Variants in COP1 observed in about 807,000 individuals in gnomAD.
COP1 encodes COP1 E3 ubiquitin ligase, also known as E3 ubiquitin-protein ligase COP1.
Under a neutral mutation model 101.3 loss-of-function variants are expected in COP1, and 24 were observed. The ratio of observed to expected loss-of-function variants is 0.24; its 90% confidence interval spans 0.17 to 0.33. The LOEUF is 0.33. Ranked by LOEUF, COP1 falls within the 10% of genes least tolerant of loss-of-function variation. The pLI is 1.00. For synonymous variants in COP1, 347 were observed against 341.9 expected (o/e 1.01, Z -0.17); for missense variants, 663 against 906.2 (o/e 0.73, Z 3.45).
intron 14 of COP1, among the ~76,000 whole-genome samples, chr1:176,033,543 A>T (rs1668989843): frequency 6.6e-6 from 1 of 152,320 alleles, no homozygotes. Flanking sequence ...ACCTTTAAAG[A>T]ATGTGTTTAA....
intron 3 of COP1, among the ~76,000 whole-genome samples, chr1:176,175,491 G>C (rs898569424): frequency 6.6e-6 from 1 of 152,164 alleles, no homozygotes; most frequent in Non-Finnish European, 1.5e-5. Flanking sequence ...GTGCAACTTA[G>C]ATCCCTTGCA....
At chr1:176,053,471 C>T (rs111473562) in intron 11 of COP1, among the ~76,000 whole-genome samples, 8 of 152,246 alleles carry the variant, frequency 5.3e-5, no homozygotes, top group African/African-American at 1.9e-4. Flanking sequence ...TATTCCTTGC[C>T]TAATTGTTAA....
chr1:176,054,203 A>G (rs552683883), intron 11 of COP1, among the ~76,000 whole-genome samples: 1 of 146,682 alleles, frequency 6.8e-6, no homozygotes, highest in Admixed American at 6.9e-5. Flanking sequence ...TCTGTCACCC[A>G]GGCTGGGGTG....
intron 5 of COP1, among the ~76,000 whole-genome samples, chr1:176,149,926 G>T (rs1442433894): frequency 6.6e-6 from 1 of 151,926 alleles, no homozygotes; most frequent in Non-Finnish European, 1.5e-5. Context: ...AAGCCCAGTG[G>T]AGCAATTCCA....
intron 8 of COP1, among the ~76,000 whole-genome samples, chr1:176,133,198 G>A (rs1405553736): frequency 1.5e-5 from 2 of 129,684 alleles, no homozygotes; most frequent in African/African-American, 2.5e-5. Flanking sequence ...GTACGTATAT[G>A]TACGTATGTA....
chr1:176,135,329 TTCA>T (rs908478794), intron 7 of COP1, among the ~76,000 whole-genome samples: 3 of 152,036 alleles, frequency 2.0e-5, no homozygotes, highest in Non-Finnish European at 4.4e-5. Flanking sequence ...CTAAATATTG[TTCA>T]TCATTAATGA....
chr1:176,176,114 C>A, intron 2 of COP1, 107 bp from the exon 3 acceptor site: 1 of 601,866 alleles, frequency 1.7e-6, no homozygotes, highest in Admixed American at 3.0e-5. Context: ...TTCAACATAA[C>A]TAATCTAATA....
intron 15 of COP1, among the ~76,000 whole-genome samples, chr1:176,006,685 C>A (rs1663321318): frequency 6.6e-6 from 1 of 152,192 alleles, no homozygotes; most frequent in Non-Finnish European, 1.5e-5. Context: ...CACCCACTCT[C>A]TTCTGGCTTG....
chr1:175,977,468 A>T (rs1016780812), intron 18 of COP1, among the ~76,000 whole-genome samples: 1 of 152,186 alleles, frequency 6.6e-6, no homozygotes, highest in Non-Finnish European at 1.5e-5. Flanking sequence ...GTTCAGCAGT[A>T]ATAACCTTTT....
At chr1:175,965,675 G>A (rs529674548) in intron 18 of COP1, among the ~76,000 whole-genome samples, 13 of 151,746 alleles carry the variant, frequency 8.6e-5, no homozygotes, top group African/African-American at 1.2e-4. Context: ...TGCAACCTCC[G>A]CTTCCCGGGT....
chr1:176,109,890 T>C (rs536087160), intron 9 of COP1, among the ~76,000 whole-genome samples: 108 of 152,210 alleles, frequency 7.1e-4, no homozygotes, highest in African/African-American at 2.4e-3. Context: ...CTTGGATAAA[T>C]AATAAGTTCA....
chr1:176,114,721 G>A (rs1685893161), intron 9 of COP1, among the ~76,000 whole-genome samples: 1 of 152,010 alleles, frequency 6.6e-6, no homozygotes, highest in Non-Finnish European at 1.5e-5. Flanking sequence ...CCAAGTAGCT[G>A]AAACCACAAG....
chr1:176,156,254 C>T (rs1359894108), intron 5 of COP1, among the ~76,000 whole-genome samples: 2 of 151,786 alleles, frequency 1.3e-5, no homozygotes, highest in Non-Finnish European at 2.9e-5. Context: ...GGAGAAAAGG[C>T]CTTTTGTGGT....
intron 9 of COP1, among the ~76,000 whole-genome samples, chr1:176,093,203 AAGC>A (rs1681659465): frequency 6.6e-6 from 1 of 152,202 alleles, no homozygotes; most frequent in African/African-American, 2.4e-5. Flanking sequence ...TTTGGATAGG[AAGC>A]AGGTGATAAA....
intron 11 of COP1, among the ~76,000 whole-genome samples, chr1:176,048,198 T>TTA (rs1671850029): frequency 6.8e-6 from 1 of 146,296 alleles, no homozygotes; most frequent in Non-Finnish European, 1.5e-5. Flanking sequence ...TAAAATTCTT[T>TTA]TTTTTTTTTT....
intron 11 of COP1, among the ~76,000 whole-genome samples, chr1:176,074,276 G>A (rs1169653740): frequency 6.6e-6 from 1 of 151,950 alleles, no homozygotes; most frequent in Non-Finnish European, 1.5e-5. Flanking sequence ...TTTTTTGGGA[G>A]GAATTAGAAG....
At position 176,133,179 on chromosome 1, in the gene COP1, C is replaced by T. The variant is rs556179316; in HGVS notation, c.968+1831G>A. Among the ~76,000 whole-genome samples the T allele has an allele frequency of 3.0e-4, 39 of 130,120 alleles. No homozygotes were observed. In the East Asian group the frequency reaches 8.5e-3, roughly 28 times the overall value. The allele number at this position is 130,120 out of a possible 152,430, so 85.4% of individuals were successfully genotyped here. On this transcript the variant is annotated intron_variant, in intron 8 of 19. Transcript: ENST00000367669. Reference sequence around the variant, plus strand: ...ATATATATACGTATGTACACACATACGTATATACGTACGTATATGTACGTA... The same window carrying T: ...ATATATATACGTATGTACACACATATGTATATACGTACGTATATGTACGTA...
intron 1 of COP1, among the ~76,000 whole-genome samples, chr1:176,204,170 G>T (rs1360211713): frequency 6.6e-6 from 1 of 152,130 alleles, no homozygotes; most frequent in South Asian, 2.1e-4. Flanking sequence ...TTCTCATTTT[G>T]TCCTTACCTG....
intron 3 of COP1, among the ~76,000 whole-genome samples, chr1:176,166,039 A>G (rs1695094629): frequency 6.6e-6 from 1 of 152,240 alleles, no homozygotes; most frequent in Non-Finnish European, 1.5e-5. Flanking sequence ...ATACCATTAT[A>G]TTTGATTCTC....
Sources: allele counts gnomAD v4.1 joint callset (sites outside exome capture counted in the v4.1 genomes callset), GRCh38; gene constraint gnomAD v4.1.1; transcripts MANE v1.5; gene names NCBI Gene and HGNC (gene_info 2026-07-23, HGNC 2026-07-21).